The following GPHN variants were observed in gnomAD, a reference collection of about 807,000 sequenced individuals.
The protein encoded by GPHN is gephyrin.
In GPHN, 17 loss-of-function variants were observed where a neutral mutation model predicts 95.5. The ratio of observed to expected loss-of-function variants is 0.18; its 90% CI spans 0.12 to 0.27. The LOEUF is 0.27. Ranked by LOEUF, GPHN falls within the 10% of genes least tolerant of loss-of-function variation. The pLI, the probability that GPHN is intolerant of heterozygous loss-of-function variation, is 1.00. For synonymous variants in GPHN, 320 were observed against 322.5 expected, an observed-to-expected ratio of 0.99 and a Z score of 0.08; for missense variants, 660 against 978.1, an observed-to-expected ratio of 0.67 and a Z score of 4.34.
intron 1 of GPHN, among the ~76,000 whole-genome samples, chr14:66,528,740 G>C (rs1056271024): frequency 6.6e-6 from 1 of 152,308 alleles, no homozygotes; most frequent in Middle Eastern, 3.4e-3. Flanking sequence ...GGCTGGATAT[G>C]TGGTAATTCT....
chr14:66,897,914 C>T (rs889636211), intron 5 of GPHN, among the ~76,000 whole-genome samples: 8 of 152,050 alleles, frequency 5.3e-5, no homozygotes, highest in African/African-American at 1.9e-4. Context: ...GTCTCCACAC[C>T]TTGCCAGTAT....
chr14:67,321,254 A>G, the GPHN span: 1 of 1,614,076 alleles, frequency 6.2e-7, no homozygotes, highest in African/African-American at 1.3e-5. Context: ...AAGTCTTCGT[A>G]CACAGGTAAA....
At chr14:67,336,672 T>C in the GPHN span, 9 of 455,258 alleles carry the variant, frequency 2.0e-5, no homozygotes, top group African/African-American at 6.0e-5. Context: ...GCTGTGCTCT[T>C]TGACTTGTCA....
intron 4 of GPHN, among the ~76,000 whole-genome samples, chr14:66,833,339 T>C (rs1238476834): frequency 1.3e-5 from 2 of 152,036 alleles, no homozygotes; most frequent in South Asian, 2.1e-4. Context: ...ATGAGAACCA[T>C]GAGAAAAGCA....
At chr14:67,218,760 C>T in the GPHN span, among the ~76,000 whole-genome samples, 1 of 151,964 alleles carries the variant, frequency 6.6e-6, no homozygotes, top group East Asian at 2.0e-4. Flanking sequence ...GTATATCAAG[C>T]TGTTTAGAGG....
chr14:66,551,377 T>C (rs1170061330), intron 1 of GPHN, among the ~76,000 whole-genome samples: 1 of 152,232 alleles, frequency 6.6e-6, no homozygotes, highest in Non-Finnish European at 1.5e-5. Context: ...AGAATTTTTC[T>C]TCCTCTGTGT....
chr14:67,072,389 G>T (rs997331047), intron 11 of GPHN, among the ~76,000 whole-genome samples: 1 of 151,964 alleles, frequency 6.6e-6, no homozygotes, highest in Non-Finnish European at 1.5e-5. Flanking sequence ...GTACCAGCAG[G>T]GTTATTTTTT....
intron 3 of GPHN, among the ~76,000 whole-genome samples, chr14:66,807,660 T>C (rs1179413631): frequency 1.3e-5 from 2 of 152,246 alleles, no homozygotes; most frequent in Non-Finnish European, 2.9e-5. Flanking sequence ...AGGTAATCAC[T>C]ATCCTGATTT....
chr14:67,285,770 C>G, the GPHN span, among the ~76,000 whole-genome samples: 5 of 152,068 alleles, frequency 3.3e-5, no homozygotes, highest in Admixed American at 6.6e-5. Context: ...TAAAGTAACT[C>G]TTGGTGATTG....
intron 9 of GPHN, among the ~76,000 whole-genome samples, chr14:67,015,177 A>G (rs2073232331): frequency 2.6e-5 from 4 of 152,216 alleles, no homozygotes; most frequent in Admixed American, 1.3e-4. Flanking sequence ...TTCACCAGCT[A>G]TATAACCTGA....
chr14:67,313,100 A>G, the GPHN span, among the ~76,000 whole-genome samples: 2 of 152,204 alleles, frequency 1.3e-5, no homozygotes, highest in African/African-American at 4.8e-5. Context: ...GAAAAGTAAC[A>G]TCATAGAATT....
At chr14:67,121,735 G>A (rs553758904) in intron 16 of GPHN, among the ~76,000 whole-genome samples, 1 of 152,278 alleles carries the variant, frequency 6.6e-6, no homozygotes, top group South Asian at 2.1e-4. Context: ...GCTAGTATCA[G>A]AGACAAAACA....
At chr14:67,439,828 T>C in the GPHN span, among the ~76,000 whole-genome samples, 12 of 152,208 alleles carry the variant, frequency 7.9e-5, no homozygotes, top group East Asian at 2.3e-3. Flanking sequence ...TTCTCTTCTC[T>C]CTTTTCTTTT....
chr14:67,574,170 A>G, the GPHN span: 5 of 1,390,578 alleles, frequency 3.6e-6, no homozygotes, highest in Non-Finnish European at 4.8e-6. This position sits in a 1 kb window ranked among gnomAD's most constrained non-coding sequence, Gnocchi z 4.2. Flanking sequence ...GACAGGTGCC[A>G]CCTCGGAGCC....
intron 16 of GPHN, among the ~76,000 whole-genome samples, chr14:67,118,192 A>G (rs2078801090): frequency 6.6e-6 from 1 of 152,228 alleles, no homozygotes; most frequent in South Asian, 2.1e-4. Flanking sequence ...TATGGGACAT[A>G]CCCAAGGGAA....
chr14:67,666,829 T>C, the GPHN span, among the ~76,000 whole-genome samples: 13 of 152,220 alleles, frequency 8.5e-5, no homozygotes, highest in African/African-American at 3.1e-4. Flanking sequence ...CTTTTCTGTA[T>C]ATTAAACAAC....
rs1339854533 is a variant in GPHN, at chr14:66,819,622, T to TTTCC, written c.202-4850_202-4849insCCTT. On this transcript the variant is annotated intron_variant, in intron 3 of 22. Transcript: ENST00000478722. ...TCCAGCTTTGTTTTTTTGTTTTTGTTTTTTGCTTTTGTTTTTGTTTTTTTG... is the reference window on the plus strand; with the variant it reads ...TCCAGCTTTGTTTTTTTGTTTTTGTTTTCCTTTTGCTTTTGTTTTTGTTTTTTTG... 3.3e-5 allele frequency among the ~76,000 whole-genome samples: 5 copies of TTTCC among 152,096 alleles called. No individual in the cohort carries two copies. The East Asian group carries it at 9.7e-4, about 29-fold the overall frequency.
intron 9 of GPHN, 104 bp downstream of exon 9, chr14:66,965,429 T>A (rs1286493016): frequency 9.5e-7 from 1 of 1,053,042 alleles, no homozygotes; most frequent in African/African-American, 1.6e-5. Flanking sequence ...CATGCAAGAT[T>A]ACACTGTGAA....
At chr14:66,559,261 G>A (rs1214709023) in intron 1 of GPHN, among the ~76,000 whole-genome samples, 3 of 151,470 alleles carry the variant, frequency 2.0e-5, no homozygotes, top group Non-Finnish European at 4.4e-5. Flanking sequence ...CCCAGTAATG[G>A]GATGGCTGGG....
Sources: allele counts gnomAD v4.1 joint callset (sites outside exome capture counted in the v4.1 genomes callset), GRCh38; gene constraint gnomAD v4.1.1; non-coding constraint Gnocchi (gnomAD v3.1); transcripts MANE v1.5; gene names NCBI Gene and HGNC (gene_info 2026-07-23, HGNC 2026-07-21).